The following KIF16B variants were observed in gnomAD, a reference collection of about 807,000 sequenced individuals.
The protein encoded by KIF16B is kinesin family member 16B.
A neutral mutation model predicts 156.3 loss-of-function variants in KIF16B; 98 were observed. The observed-to-expected ratio is 0.63, with a 90% confidence interval of 0.53 to 0.74. The LOEUF (loss-of-function observed/expected upper bound fraction) is 0.74. Ranked by LOEUF, KIF16B falls within the 30% of genes least tolerant of loss-of-function variation. KIF16B has a pLI of 0.00. For missense variants in KIF16B, 1,421 were observed against 1,606.5 expected, an observed-to-expected ratio of 0.88 and a Z score of 1.97; for synonymous variants, 564 against 583.7, an observed-to-expected ratio of 0.97 and a Z score of 0.49.
At chr20:16,367,429 A>C (rs1452819000) in intron 22 of KIF16B, 2 of 1,612,798 alleles carry the variant, frequency 1.2e-6, no homozygotes, top group African/African-American at 2.7e-5. Context: ...GATCACATCA[A>C]ATTGTGCACC....
chr20:16,569,873 A>G (rs2071393348), intron 1 of KIF16B, among the ~76,000 whole-genome samples: 2 of 152,228 alleles, frequency 1.3e-5, no homozygotes, highest in South Asian at 4.1e-4. Flanking sequence ...ACAGTAAAAA[A>G]AAAGCCTTTC....
At chr20:16,551,132 CTT>C (rs11474777) in intron 1 of KIF16B, among the ~76,000 whole-genome samples, 39 of 139,096 alleles carry the variant, frequency 2.8e-4, no homozygotes, top group Non-Finnish European at 4.0e-4. Context: ...GCTTTCTCTT[CTT>C]TTTTTTTTTT....
At chr20:16,479,055 T>C (rs2067901407) in intron 12 of KIF16B, among the ~76,000 whole-genome samples, 1 of 152,100 alleles carries the variant, frequency 6.6e-6, no homozygotes. Flanking sequence ...ACGAGTACAA[T>C]GAATAAACTA....
intron 22 of KIF16B, chr20:16,367,390 C>A: frequency 6.2e-7 from 1 of 1,612,872 alleles, no homozygotes; most frequent in Non-Finnish European, 8.5e-7. Context: ...AACAACAACA[C>A]ACCTGAATTC....
intron 24 of KIF16B, among the ~76,000 whole-genome samples, chr20:16,327,836 G>A (rs1271574168): frequency 1.3e-5 from 2 of 152,074 alleles, no homozygotes; most frequent in Non-Finnish European, 2.9e-5. Flanking sequence ...GAAATTCAAG[G>A]AGGCTGAGGG....
At chr20:16,510,786 A>G (rs936707104) in intron 6 of KIF16B, among the ~76,000 whole-genome samples, 4 of 152,248 alleles carry the variant, frequency 2.6e-5, no homozygotes, top group African/African-American at 9.7e-5. Flanking sequence ...ACAAATGAAG[A>G]ACATGAAAGC....
intron 1 of KIF16B, among the ~76,000 whole-genome samples, chr20:16,570,909 G>A (rs1320462705): frequency 6.6e-6 from 1 of 152,130 alleles, no homozygotes; most frequent in African/African-American, 2.4e-5. Context: ...TTAAATTGTG[G>A]TTTATGTGCA....
chr20:16,567,426 C>CTGA (rs2071293069), intron 1 of KIF16B, among the ~76,000 whole-genome samples: 2 of 152,134 alleles, frequency 1.3e-5, no homozygotes, highest in African/African-American at 4.8e-5. Context: ...CCATCTCAAC[C>CTGA]GTACACAGAT....
chr20:16,443,269 T>C (rs2066850898), intron 12 of KIF16B, among the ~76,000 whole-genome samples: 1 of 152,208 alleles, frequency 6.6e-6, no homozygotes, highest in African/African-American at 2.4e-5. Flanking sequence ...CTACTGCTTA[T>C]GCCATGAGTA....
At chr20:16,299,855 A>G (rs932493313) in intron 25 of KIF16B, among the ~76,000 whole-genome samples, 2 of 152,202 alleles carry the variant, frequency 1.3e-5, no homozygotes, top group African/African-American at 2.4e-5. Flanking sequence ...TTCTTAAGTG[A>G]CCCTTGAATA....
chr20:16,547,361 C>T (rs897271401), intron 1 of KIF16B, among the ~76,000 whole-genome samples: 1 of 152,234 alleles, frequency 6.6e-6, no homozygotes, highest in Non-Finnish European at 1.5e-5. Flanking sequence ...AATCACCCCA[C>T]ATGGGTGACA....
At chr20:16,397,927 T>C (rs1230121464) in intron 17 of KIF16B, among the ~76,000 whole-genome samples, 8 of 152,258 alleles carry the variant, frequency 5.3e-5, no homozygotes, top group Admixed American at 3.3e-4. Context: ...TACAGCTCAA[T>C]GAATATTTGT....
intron 23 of KIF16B, among the ~76,000 whole-genome samples, chr20:16,337,488 T>G (rs2064061218): frequency 6.6e-6 from 1 of 152,180 alleles, no homozygotes; most frequent in African/African-American, 2.4e-5. Flanking sequence ...CAATAACTTT[T>G]CAATTGTGGC....
intron 12 of KIF16B, among the ~76,000 whole-genome samples, chr20:16,486,435 G>A (rs2068117061): frequency 6.6e-6 from 1 of 152,152 alleles, no homozygotes; most frequent in Non-Finnish European, 1.5e-5. Context: ...GTCAAAGGAT[G>A]CCCACCACCT....
intron 19 of KIF16B, among the ~76,000 whole-genome samples, chr20:16,377,299 ACTAT>A (rs1316978907): frequency 6.6e-6 from 1 of 152,062 alleles, no homozygotes; most frequent in Non-Finnish European, 1.5e-5. Context: ...GTGGCTCATG[ACTAT>A]AATCCCGGCA....
chr20:16,421,556 G>A lies in KIF16B; in HGVS notation c.1612+5548C>T, dbSNP rs573135588. The stretch of plus-strand genomic sequence containing the variant: ...CATTTTAATAATCCACAAACATCAC[G>A]AAAAGTTAAGTAAAGAATTCTAATC... On this transcript the variant is annotated intron_variant, in intron 15 of 25. Coordinates refer to ENST00000354981, the MANE Select transcript of KIF16B (RefSeq NM_024704.5). Among the ~76,000 whole-genome samples, 10 of 152,076 alleles carry A rather than the reference G, an allele frequency of 6.6e-5. No homozygotes were observed. The East Asian group carries it at 7.7e-4, about 12-fold the overall frequency.
chr20:16,407,582 T>C (rs1339633099), intron 15 of KIF16B, among the ~76,000 whole-genome samples: 2 of 152,176 alleles, frequency 1.3e-5, no homozygotes, highest in East Asian at 3.9e-4. Context: ...TGTTGGGTAA[T>C]TGCAGAGAGA....
chr20:16,362,315 A>T (rs2064566681), intron 22 of KIF16B, among the ~76,000 whole-genome samples: 1 of 147,354 alleles, frequency 6.8e-6, no homozygotes, highest in African/African-American at 2.5e-5. Flanking sequence ...TATGTGCATC[A>T]AATTCACGCT....
At chr20:16,421,672 CT>C (rs2066229424) in intron 15 of KIF16B, among the ~76,000 whole-genome samples, 1 of 152,082 alleles carries the variant, frequency 6.6e-6, no homozygotes, top group Admixed American at 6.6e-5. Context: ...TATCACCTTG[CT>C]TTTTTGTACA....
Sources: allele counts gnomAD v4.1 joint callset (sites outside exome capture counted in the v4.1 genomes callset), GRCh38; gene constraint gnomAD v4.1.1; transcripts MANE v1.5; gene names NCBI Gene and HGNC (gene_info 2026-07-23, HGNC 2026-07-21).